PAK5: variants seen among roughly 807,000 people sequenced by gnomAD.
PAK5 encodes the protein serine/threonine-protein kinase PAK 5.
Under a neutral mutation model 65.9 loss-of-function variants are expected in PAK5, and 16 were observed. The ratio of observed to expected loss-of-function variants is 0.24; its 90% CI spans 0.16 to 0.37. The LOEUF (loss-of-function observed/expected upper bound fraction) is 0.37, where lower values mean the gene tolerates loss of function less well. Among genes scored for constraint, PAK5 ranks in the 10% least tolerant of loss-of-function variants. The pLI is 1.00. For synonymous variants in PAK5, 371 were observed against 354.9 expected, an observed-to-expected ratio of 1.05 and a Z score of -0.51; for missense variants, 785 against 903.9, an observed-to-expected ratio of 0.87 and a Z score of 1.69.
chr20:9,597,558 C>T (rs897659802), intron 3 of PAK5, among the ~76,000 whole-genome samples: 1 of 152,232 alleles, frequency 6.6e-6, no homozygotes, highest in Non-Finnish European at 1.5e-5. Context: ...GGTTCCAATT[C>T]TCCTCTTCTG....
chr20:9,674,655 G>T (rs2047544626), intron 2 of PAK5, among the ~76,000 whole-genome samples: 1 of 152,216 alleles, frequency 6.6e-6, no homozygotes, highest in Admixed American at 6.5e-5. Context: ...AGCAGAGCCT[G>T]AAGCAGTGAT....
chr20:9,725,505 T>A (rs1354118506), intron 1 of PAK5, among the ~76,000 whole-genome samples: 1 of 152,122 alleles, frequency 6.6e-6, no homozygotes, highest in African/African-American at 2.4e-5. Flanking sequence ...TATTCTTATA[T>A]CAAGAAGCCC....
chr20:9,790,067 C>G (rs1298082599), intron 1 of PAK5, among the ~76,000 whole-genome samples: 1 of 152,132 alleles, frequency 6.6e-6, no homozygotes, highest in Admixed American at 6.6e-5. Flanking sequence ...TCATCTACCC[C>G]ATTTCCCAAA....
At chr20:9,664,787 C>A (rs1016592647) in intron 2 of PAK5, among the ~76,000 whole-genome samples, 1 of 152,042 alleles carries the variant, frequency 6.6e-6, no homozygotes, top group East Asian at 1.9e-4. Flanking sequence ...CTCATAAATA[C>A]AAGGCTAAAA....
Position 9,569,751 on chromosome 20 carries a change from C to T in PAK5, c.991-3367G>A, listed in dbSNP as rs568437361. On this transcript the variant is annotated intron_variant, in intron 4 of 9. Transcript: ENST00000353224. ...GCACACAGTGGGCTCTTTAAAATTG[C>T]TACCATAGCACCATTCTCAGTCCCC... 1.2e-4 allele frequency among the ~76,000 whole-genome samples: 18 copies of T among 149,246 alleles called. No individual in the cohort carries two copies. The South Asian group carries it at 3.1e-3, about 26-fold the overall frequency.
Position 9,580,755 on chromosome 20 carries a change from G to A in PAK5, c.380C>T (p.Thr127Ile). Residue 127 changes from threonine (T) to isoleucine (I), a missense_variant, in exon 4 of 10, where the codon ACC (threonine) becomes ATC (isoleucine). Physicochemically the swap from Thr to Ile is moderately conservative, Grantham distance 89. Coordinates refer to ENST00000353224, the MANE Select transcript of PAK5 (RefSeq NM_177990.4). ...PGHAEENGFI[T>I]FSQYSSESDT... ...GGATTCGCTGGAATACTGGGAGAAG[G>A]TGATGAAGCCATTTTCTTCCGCGTG... The A allele has an allele frequency of 6.2e-7, 1 of 1,614,030 alleles. No individual in the cohort carries two copies. Among genetic ancestry groups the A allele is most frequent in the South Asian group, 1.1e-5 (1 of 91,056 alleles).
chr20:9,574,423 G>C (rs1431413207), intron 4 of PAK5, among the ~76,000 whole-genome samples: 3 of 152,152 alleles, frequency 2.0e-5, no homozygotes, highest in African/African-American at 7.2e-5. Flanking sequence ...TTCTATTCAA[G>C]AGCAGTGAGA....
At chr20:9,575,538 C>T (rs2045871433) in intron 4 of PAK5, 1 of 152,188 alleles carries the variant, frequency 6.6e-6, no homozygotes, top group Non-Finnish European at 1.5e-5. Context: ...CAAATAAATG[C>T]ATATGAGCAC....
intron 1 of PAK5, among the ~76,000 whole-genome samples, chr20:9,745,077 C>T (rs182003172): frequency 6.6e-6 from 1 of 152,140 alleles, no homozygotes; most frequent in African/African-American, 2.4e-5. Context: ...TGAGATGAAG[C>T]CATCCCCAGT....
chr20:9,713,381 G>T (rs1484716044), intron 1 of PAK5, among the ~76,000 whole-genome samples: 1 of 152,072 alleles, frequency 6.6e-6, no homozygotes, highest in Non-Finnish European at 1.5e-5. Flanking sequence ...TGGCAAGGAT[G>T]CAGAGAGAGG....
intron 3 of PAK5, among the ~76,000 whole-genome samples, chr20:9,618,914 C>CTTTTTTTT (rs2046714022): frequency 4.6e-5 from 1 of 21,852 alleles, no homozygotes; most frequent in Admixed American, 5.9e-4. Context: ...CTCTTTCTTT[C>CTTTTTTTT]GTTTTTTTTT....
At chr20:9,582,864 G>A (rs888345380) in intron 3 of PAK5, among the ~76,000 whole-genome samples, 6 of 152,130 alleles carry the variant, frequency 3.9e-5, no homozygotes, top group African/African-American at 4.8e-5. Flanking sequence ...TATTTGCCTT[G>A]TTGCTCAAAT....
intron 1 of PAK5, among the ~76,000 whole-genome samples, chr20:9,715,688 C>T (rs2123500543): frequency 6.6e-6 from 1 of 151,992 alleles, no homozygotes; most frequent in East Asian, 1.9e-4. Flanking sequence ...AAATGTGGCA[C>T]ATATACACCA....
intron 2 of PAK5, among the ~76,000 whole-genome samples, chr20:9,690,208 T>C (rs1472566540): frequency 6.6e-6 from 1 of 152,196 alleles, no homozygotes; most frequent in Non-Finnish European, 1.5e-5. Context: ...AGTGGAGTTG[T>C]GCAGAGGGCA....
At chr20:9,806,484 C>G (rs907085569) in intron 1 of PAK5, among the ~76,000 whole-genome samples, 1 of 152,260 alleles carries the variant, frequency 6.6e-6, no homozygotes, top group East Asian at 1.9e-4. Context: ...AGGGACAGAA[C>G]GTAAAGACCC....
intron 2 of PAK5, among the ~76,000 whole-genome samples, chr20:9,661,775 C>T (rs1046044858): frequency 6.6e-6 from 1 of 152,112 alleles, no homozygotes; most frequent in African/African-American, 2.4e-5. Context: ...CTACTAAAGG[C>T]ATTAAATAAA....
At chr20:9,566,942 A>G (rs2045693228) in intron 4 of PAK5, among the ~76,000 whole-genome samples, 1 of 152,172 alleles carries the variant, frequency 6.6e-6, no homozygotes, top group African/African-American at 2.4e-5. Context: ...AAATGATGCT[A>G]GACCCGAAAG....
At chr20:9,549,266 T>A (rs1206806711) in intron 7 of PAK5, among the ~76,000 whole-genome samples, 2 of 152,106 alleles carry the variant, frequency 1.3e-5, no homozygotes, top group African/African-American at 4.8e-5. Flanking sequence ...GCTTTGGAAA[T>A]ATCTGTGTTG....
chr20:9,817,472 C>T (rs1318130797), intron 1 of PAK5, among the ~76,000 whole-genome samples: 1 of 151,916 alleles, frequency 6.6e-6, no homozygotes, highest in Non-Finnish European at 1.5e-5. Flanking sequence ...GCAGGCCAAA[C>T]AAAATAGGCA....
Sources: gnomAD v4.1 joint callset for allele counts (sites outside exome capture counted in the v4.1 genomes callset) on GRCh38, gnomAD v4.1.1 for gene constraint, MANE v1.5 for transcripts, NCBI Gene and HGNC (gene_info 2026-07-23, HGNC 2026-07-21) for gene names.